The following DENND1B variants were observed in gnomAD, a reference collection of about 807,000 sequenced individuals.
DENND1B encodes DENN domain containing 1B.
DENND1B carries 59 observed loss-of-function variants against 90.1 expected under a neutral mutation model. The ratio of observed to expected loss-of-function variants is 0.65; its 90% CI spans 0.53 to 0.81. The LOEUF is 0.81. DENND1B is among the 40% of genes least tolerant of loss of function. The probability of loss-of-function intolerance (pLI) is 0.00; values close to 1 mark genes in which losing one functional copy is unlikely to be tolerated. For synonymous variants in DENND1B, 337 were observed against 324.6 expected, an observed-to-expected ratio of 1.04 and a Z score of -0.41; for missense variants, 862 against 912.6, an observed-to-expected ratio of 0.94 and a Z score of 0.71.
At chr1:197,558,653 A>G (rs778849263) in intron 15 of DENND1B, among the ~76,000 whole-genome samples, 4 of 151,768 alleles carry the variant, frequency 2.6e-5, no homozygotes, top group Non-Finnish European at 2.9e-5. Flanking sequence ...TTTCCTTTCA[A>G]CCTTGCTTAT....
chr1:197,577,185 T>C (rs1469397793), intron 15 of DENND1B, among the ~76,000 whole-genome samples: 1 of 152,138 alleles, frequency 6.6e-6, no homozygotes. Flanking sequence ...TAACATGGGA[T>C]AAATTCTATA....
chr1:197,551,526 G>T (rs1353257821), intron 16 of DENND1B, among the ~76,000 whole-genome samples: 1 of 152,008 alleles, frequency 6.6e-6, no homozygotes, highest in Non-Finnish European at 1.5e-5. Context: ...AAGGCTTTTC[G>T]TGAAAAATTT....
chr1:197,745,116 C>G (rs963920676), intron 2 of DENND1B, among the ~76,000 whole-genome samples: 11 of 152,144 alleles, frequency 7.2e-5, no homozygotes, highest in African/African-American at 2.7e-4. Flanking sequence ...CCATCCAGAC[C>G]ACTAAAACTT....
intron 2 of DENND1B, among the ~76,000 whole-genome samples, chr1:197,717,179 C>T (rs1430048502): frequency 1.3e-5 from 2 of 151,878 alleles, no homozygotes; most frequent in Non-Finnish European, 2.9e-5. Flanking sequence ...TTTGTAGCAA[C>T]TTTTCAGAAG....
At chr1:197,578,068 C>T (rs1673848446) in intron 15 of DENND1B, among the ~76,000 whole-genome samples, 1 of 151,978 alleles carries the variant, frequency 6.6e-6, no homozygotes, top group East Asian at 1.9e-4. Context: ...GCTTTGTTGA[C>T]TGAAAGAAGG....
intron 3 of DENND1B, among the ~76,000 whole-genome samples, chr1:197,700,386 G>A (rs908078793): frequency 9.9e-5 from 15 of 151,734 alleles, no homozygotes; most frequent in Non-Finnish European, 1.5e-4. Flanking sequence ...TCCTATTCAG[G>A]AGCTAGGAAA....
At chr1:197,550,365 G>A (rs1360149131) in intron 16 of DENND1B, among the ~76,000 whole-genome samples, 1 of 152,084 alleles carries the variant, frequency 6.6e-6, no homozygotes, top group Non-Finnish European at 1.5e-5. Flanking sequence ...ACTACTGGCT[G>A]TGTGACCTTG....
At chr1:197,511,583 T>G (rs897396609) in intron 22 of DENND1B, 145 bp downstream of exon 22, 2 of 460,528 alleles carry the variant, frequency 4.3e-6, no homozygotes, top group Non-Finnish European at 7.4e-6. Context: ...TTCTAGTGAT[T>G]AAATTTTATC....
At chr1:197,645,585 T>G in intron 9 of DENND1B, 105 bp downstream of exon 9, 2 of 537,944 alleles carry the variant, frequency 3.7e-6, no homozygotes, top group Non-Finnish European at 6.1e-6. Flanking sequence ...ACACAGATAA[T>G]TACAATGTAT....
At chr1:197,512,182 C>A (rs965124233) in intron 21 of DENND1B, among the ~76,000 whole-genome samples, 1 of 151,672 alleles carries the variant, frequency 6.6e-6, no homozygotes, top group Non-Finnish European at 1.5e-5. Flanking sequence ...AGAAGCAGGG[C>A]TTTTCACAGT....
In DENND1B at chr1:197,513,021, A is replaced by G. The variant is rs578008637; in HGVS notation, c.1516-68T>C. On this transcript the variant is annotated intron_variant, in intron 20 of 22. Coordinates refer to ENST00000620048, the MANE Select transcript of DENND1B (RefSeq NM_001195215.2). Reference sequence around the variant, plus strand: ...AATAAGTCTCTTTAGCAAATTTTAAAGCAACAATGTGATTTCATAAGAAAC... The same window carrying G: ...AATAAGTCTCTTTAGCAAATTTTAAGGCAACAATGTGATTTCATAAGAAAC... The G allele has an allele frequency of 7.4e-6, 10 of 1,342,288 alleles. No homozygotes were observed. The East Asian group carries it at 2.4e-4, about 32-fold the overall frequency. 83.1% of individuals were successfully genotyped at this position (1,342,288 alleles called of 1,614,324 possible). A position where few individuals can be genotyped will look rare whatever the true frequency, so the allele number is the denominator to read the frequency against.
intron 14 of DENND1B, among the ~76,000 whole-genome samples, chr1:197,584,502 A>G (rs750036067): frequency 2.0e-5 from 3 of 152,240 alleles, no homozygotes; most frequent in Non-Finnish European, 2.9e-5. Flanking sequence ...TTCAGCATAA[A>G]AAGTTTTCCT....
At chr1:197,618,903 C>T (rs1453111832) in intron 10 of DENND1B, among the ~76,000 whole-genome samples, 1 of 151,030 alleles carries the variant, frequency 6.6e-6, no homozygotes, top group East Asian at 2.0e-4. Context: ...CAAAGCTATC[C>T]AAATCCTATT....
chr1:197,745,234 C>A (rs192378749), intron 2 of DENND1B, among the ~76,000 whole-genome samples: 1 of 152,210 alleles, frequency 6.6e-6, no homozygotes, highest in Non-Finnish European at 1.5e-5. Context: ...CACAACCTGA[C>A]ACAAACAGTT....
At chr1:197,537,937 A>G (rs2125648840) in intron 20 of DENND1B, among the ~76,000 whole-genome samples, 1 of 152,212 alleles carries the variant, frequency 6.6e-6, no homozygotes, top group South Asian at 2.1e-4. Flanking sequence ...GGATATGTTA[A>G]CTAGCTTTAT....
chr1:197,594,440 G>T (rs554684380), intron 14 of DENND1B, among the ~76,000 whole-genome samples: 1 of 152,204 alleles, frequency 6.6e-6, no homozygotes, highest in South Asian at 2.1e-4. Context: ...ATGGGTCAAG[G>T]TTACGCAGTT....
At chr1:197,724,634 A>C (rs1013784630) in intron 2 of DENND1B, among the ~76,000 whole-genome samples, 2 of 152,160 alleles carry the variant, frequency 1.3e-5, no homozygotes, top group African/African-American at 4.8e-5. Context: ...TATAACCATC[A>C]GACACAAAGA....
At chr1:197,771,909 G>A (rs1011551157) in intron 2 of DENND1B, among the ~76,000 whole-genome samples, 11 of 152,120 alleles carry the variant, frequency 7.2e-5, no homozygotes, top group African/African-American at 2.2e-4. Context: ...TAACCCTGCC[G>A]CCTACCACAC....
intron 2 of DENND1B, among the ~76,000 whole-genome samples, chr1:197,750,762 A>G (rs1271409956): frequency 6.6e-6 from 1 of 150,670 alleles, no homozygotes; most frequent in Non-Finnish European, 1.5e-5. Flanking sequence ...TCTGAAAACC[A>G]CAATAAAGAA....
Sources: allele counts gnomAD v4.1 joint callset (sites outside exome capture counted in the v4.1 genomes callset), GRCh38; gene constraint gnomAD v4.1.1; transcripts MANE v1.5; gene names NCBI Gene and HGNC (gene_info 2026-07-23, HGNC 2026-07-21).